Variants in MGAT5 observed in about 807,000 individuals in gnomAD.
MGAT5 encodes the protein alpha-1,6-mannosylglycoprotein 6-beta-N-acetylglucosaminyltransferase A.
MGAT5 carries 30 observed loss-of-function variants against 94.3 expected under a neutral mutation model. The observed-to-expected ratio is 0.32, with a 90% CI of 0.24 to 0.43. The LOEUF is 0.43. Ranked by LOEUF, MGAT5 falls within the 20% of genes least tolerant of loss-of-function variation. MGAT5 has a pLI of 1.00. For synonymous variants in MGAT5, 310 were observed against 322.9 expected (o/e 0.96, Z 0.43); for missense variants, 691 against 905.5 (o/e 0.76, Z 3.04).
chr2:134,451,134 G>GA lies in MGAT5; in HGVS notation c.*2290dup, dbSNP rs1286905485. The GA allele has an allele frequency of 6.6e-6, 1 of 152,206 alleles. No individual in the cohort carries two copies. Among genetic ancestry groups the GA allele is most frequent in the Non-Finnish European group, 1.5e-5 (1 of 68,054 alleles). 9.4% of individuals were successfully genotyped at this position (152,206 alleles called of 1,614,324 possible). Reference sequence around the variant, plus strand: ...CCACTGCTACTTAAGCAAGGAAGCTGAAAGGTAACCTTAGCCCTGCCTTGT... The same window carrying GA: ...CCACTGCTACTTAAGCAAGGAAGCTGAAAAGGTAACCTTAGCCCTGCCTTGT... On this transcript the variant is annotated 3_prime_UTR_variant, in exon 16 of 16. Coordinates refer to ENST00000281923, the MANE Select transcript of MGAT5 (RefSeq NM_002410.5).
chr2:134,200,832 A>G lies in MGAT5; in HGVS notation c.-142-53430A>G, dbSNP rs147744681. Among the ~76,000 whole-genome samples, 444 of 152,316 alleles carry G rather than the reference A, an allele frequency of 2.9e-3. 3 individuals are homozygous for G. The highest frequency in any genetic ancestry group is 0.01 in the African/African-American group (420 of 41,584). ...ACAGGCATTCAAGACCACCCTGGGC[A>G]ACATGGTGACACTCCGTCTCTACAA... is the stretch of plus-strand genomic sequence containing the variant. On this transcript the variant is annotated intron_variant, in intron 1 of 16. Transcript: ENST00000409645.
chr2:134,240,000 A>T (rs184801303), intron 1 of MGAT5, among the ~76,000 whole-genome samples: 1 of 152,090 alleles, frequency 6.6e-6, no homozygotes, highest in Non-Finnish European at 1.5e-5. Flanking sequence ...GTGTCGATCT[A>T]GTAAAATCCA....
intron 10 of MGAT5, among the ~76,000 whole-genome samples, chr2:134,390,654 G>A (rs112958157): frequency 0.032 from 4,817 of 152,260 alleles, 262 homozygotes; most frequent in African/African-American, 0.1. Flanking sequence ...TATGTCTACT[G>A]TTATTTTCAT....
Position 134,264,273 on chromosome 2 carries a change from C to T in MGAT5, c.242-6113C>T, listed in dbSNP as rs539152294. The stretch of plus-strand genomic sequence containing the variant: ...CCGACCTCAGGTGATCGGTCCCCCT[C>T]GGCCTCCCAAAGTGCTGGGATTACA... On this transcript the variant is annotated intron_variant, in intron 1 of 15. Transcript: ENST00000281923. Among the ~76,000 whole-genome samples the T allele has an allele frequency of 3.8e-4, 58 of 152,264 alleles. 1 individual carries two copies. Among genetic ancestry groups the T allele is most frequent in the African/African-American group, 1.3e-3 (55 of 41,538 alleles).
intron 13 of MGAT5, 64 bp downstream of exon 13, chr2:134,422,983 TCA>T: frequency 2.5e-6 from 3 of 1,176,528 alleles, no homozygotes; most frequent in Non-Finnish European, 3.8e-6. Flanking sequence ...ATAAAACACA[TCA>T]TAGGTCCTTG....
At chr2:134,334,320 C>G (rs1688200769) in intron 4 of MGAT5, among the ~76,000 whole-genome samples, 1 of 151,926 alleles carries the variant, frequency 6.6e-6, no homozygotes, top group African/African-American at 2.4e-5. Context: ...GAGGAGAGAA[C>G]TTTATGAGTA....
intron 11 of MGAT5, among the ~76,000 whole-genome samples, chr2:134,408,746 G>A (rs935395356): frequency 6.6e-6 from 1 of 152,204 alleles, no homozygotes; most frequent in Non-Finnish European, 1.5e-5. Flanking sequence ...TGGCCAGGGA[G>A]GGACCCTTTG....
chr2:134,156,121 T>C (rs919051660), intron 1 of MGAT5, among the ~76,000 whole-genome samples: 3 of 152,096 alleles, frequency 2.0e-5, no homozygotes, highest in Non-Finnish European at 4.4e-5. Flanking sequence ...GCTCCCTAAC[T>C]GTGAGATGAA....
intron 13 of MGAT5, among the ~76,000 whole-genome samples, chr2:134,427,806 G>C (rs1684671359): frequency 6.6e-6 from 1 of 152,316 alleles, no homozygotes; most frequent in East Asian, 1.9e-4. Context: ...TTTACACCGT[G>C]AGTTCTTCGG....
intron 1 of MGAT5, among the ~76,000 whole-genome samples, chr2:134,201,065 C>T (rs1679763125): frequency 6.6e-6 from 1 of 151,956 alleles, no homozygotes; most frequent in Non-Finnish European, 1.5e-5. Context: ...CAGGTGTGTG[C>T]CACTACTCCC....
At chr2:134,241,623 A>G (rs1681976683) in intron 1 of MGAT5, among the ~76,000 whole-genome samples, 1 of 152,256 alleles carries the variant, frequency 6.6e-6, no homozygotes, top group Non-Finnish European at 1.5e-5. Context: ...GAACATTAGC[A>G]AAGATAGTAT....
chr2:134,378,711 G>A (rs928770996), intron 10 of MGAT5, among the ~76,000 whole-genome samples: 1 of 151,730 alleles, frequency 6.6e-6, no homozygotes, highest in African/African-American at 2.4e-5. Flanking sequence ...TGACTCCCGG[G>A]TTCAAGTGAT....
At chr2:134,184,670 C>T (rs112950576) in intron 1 of MGAT5, among the ~76,000 whole-genome samples, 63 of 152,006 alleles carry the variant, frequency 4.1e-4, no homozygotes, top group African/African-American at 1.4e-3. Context: ...TCAACAGATA[C>T]TTGTTGTAGT....
At chr2:134,384,530 TA>T (rs997362122) in intron 10 of MGAT5, among the ~76,000 whole-genome samples, 5 of 152,158 alleles carry the variant, frequency 3.3e-5, no homozygotes, top group South Asian at 2.1e-4. Flanking sequence ...AAGTCTCAGT[TA>T]AAAAAAATAT....
chr2:134,136,821 G>A (rs1686432034), intron 1 of MGAT5, among the ~76,000 whole-genome samples: 1 of 152,092 alleles, frequency 6.6e-6, no homozygotes, highest in Admixed American at 6.5e-5. Context: ...CCTGACTTGG[G>A]CTTTCTCCAA....
chr2:134,198,153 C>A (rs1679590637), intron 1 of MGAT5, among the ~76,000 whole-genome samples: 1 of 152,076 alleles, frequency 6.6e-6, no homozygotes, highest in Non-Finnish European at 1.5e-5. Flanking sequence ...AGCAATAGTC[C>A]TTCTTCTTCT....
chr2:134,245,601 C>A (rs551095043), intron 1 of MGAT5, among the ~76,000 whole-genome samples: 1 of 152,294 alleles, frequency 6.6e-6, no homozygotes, highest in South Asian at 2.1e-4. Context: ...CTTTGCCTGT[C>A]CCTTCCTCCT....
chr2:134,133,815 A>C (rs1182430051), intron 1 of MGAT5, among the ~76,000 whole-genome samples: 1 of 152,158 alleles, frequency 6.6e-6, no homozygotes, highest in Non-Finnish European at 1.5e-5. Flanking sequence ...CAGGGTGAAC[A>C]TGGGACAGGG....
At chr2:134,262,052 T>A (rs1422576177) in intron 1 of MGAT5, among the ~76,000 whole-genome samples, 1 of 152,256 alleles carries the variant, frequency 6.6e-6, no homozygotes, top group Non-Finnish European at 1.5e-5. Flanking sequence ...TGTTCCTTAC[T>A]GATGTGTGAC....
Sources: allele counts gnomAD v4.1 joint callset (sites outside exome capture counted in the v4.1 genomes callset), GRCh38; gene constraint gnomAD v4.1.1; transcripts MANE v1.5; gene names NCBI Gene and HGNC (gene_info 2026-07-23, HGNC 2026-07-21).